DYNC2H1: variants seen among roughly 807,000 people sequenced by gnomAD.
The protein encoded by DYNC2H1 is dynein cytoplasmic 2 heavy chain 1.
DYNC2H1 carries 410 observed loss-of-function variants against 570.0 expected under a neutral mutation model. The ratio of observed to expected loss-of-function variants is 0.72; its 90% CI spans 0.66 to 0.78. DYNC2H1 has a LOEUF of 0.78. Ranked by LOEUF, DYNC2H1 falls within the 30% of genes least tolerant of loss-of-function variation. The pLI, the probability that DYNC2H1 is intolerant of heterozygous loss-of-function variation, is 0.00. For missense variants in DYNC2H1, 4,865 were observed against 5,046.4 expected (o/e 0.96, Z 1.09); for synonymous variants, 1,688 against 1,677.6 (o/e 1.01, Z -0.15).
At chr11:103,231,367 T>C (rs1353869450) in intron 60 of DYNC2H1, 21 bp downstream of exon 60, 8 of 1,497,192 alleles carry the variant, frequency 5.3e-6, no homozygotes, top group Non-Finnish European at 7.3e-6. Flanking sequence ...TTTTGAAGTG[T>C]ATTTTGGATA....
intron 50 of DYNC2H1, 112 bp downstream of exon 50, chr11:103,200,266 T>C (rs540821028): frequency 2.7e-6 from 2 of 754,664 alleles, no homozygotes; most frequent in African/African-American, 3.6e-5. Flanking sequence ...GGCATAGTTC[T>C]TACTTAGGAG....
chr11:103,443,964 T>C (rs911148528), intron 85 of DYNC2H1, among the ~76,000 whole-genome samples: 8 of 151,904 alleles, frequency 5.3e-5, no homozygotes, highest in Admixed American at 1.3e-4. Context: ...CTTAAAAGAC[T>C]CATGGAACAA....
chr11:103,421,180 T>TG (rs1943474400), intron 84 of DYNC2H1, among the ~76,000 whole-genome samples: 1 of 152,188 alleles, frequency 6.6e-6, no homozygotes, highest in Non-Finnish European at 1.5e-5. Context: ...AAGAGCTAAC[T>TG]ATCTCAAATA....
intron 87 of DYNC2H1, among the ~76,000 whole-genome samples, chr11:103,462,928 A>C (rs1416043526): frequency 6.6e-6 from 1 of 152,184 alleles, no homozygotes; most frequent in Non-Finnish European, 1.5e-5. Flanking sequence ...AAAATGTACA[A>C]ATTTCAGAGT....
chr11:103,307,660 T>G, intron 77 of DYNC2H1, 61 bp from the exon 78 acceptor site: 1 of 823,424 alleles, frequency 1.2e-6, no homozygotes. Context: ...AATAATGTAA[T>G]GTAAAAGAGA....
rs147475624 is a variant in DYNC2H1, at chr11:103,270,365, G to T, written c.10696-9983G>T. Among the ~76,000 whole-genome samples, 70 of 152,054 alleles carry T rather than the reference G, an allele frequency of 4.6e-4. 2 individuals carry two copies. In the East Asian group the frequency reaches 0.012, roughly 26 times the overall value. Reference sequence around the variant, plus strand: ...CCCTATAGGAAAAAACATAATATATGTAGGCTTTGGTATTATCCTATACAT... The same window carrying T: ...CCCTATAGGAAAAAACATAATATATTTAGGCTTTGGTATTATCCTATACAT... On this transcript the variant is annotated intron_variant, in intron 70 of 88. Coordinates refer to ENST00000375735, the MANE Select transcript of DYNC2H1 (RefSeq NM_001377.3).
chr11:103,387,012 A>G (rs1941912270), intron 83 of DYNC2H1, among the ~76,000 whole-genome samples: 1 of 151,964 alleles, frequency 6.6e-6, no homozygotes, highest in East Asian at 1.9e-4. Context: ...TTGGGTATAT[A>G]CCCAGTAATG....
At chr11:103,290,106 A>C (rs1866533351) in intron 75 of DYNC2H1, among the ~76,000 whole-genome samples, 1 of 152,114 alleles carries the variant, frequency 6.6e-6, no homozygotes, top group Admixed American at 6.6e-5. Flanking sequence ...TTTGAAGTTA[A>C]CTAATTCTAT....
chr11:103,296,835 T>C (rs531059378), intron 75 of DYNC2H1, among the ~76,000 whole-genome samples: 1 of 152,238 alleles, frequency 6.6e-6, no homozygotes, highest in African/African-American at 2.4e-5. Context: ...TCCTATTTTT[T>C]ACTTCTTTCT....
intron 3 of DYNC2H1, 36 bp from the exon 4 acceptor site, chr11:103,115,141 T>C: frequency 3.4e-6 from 5 of 1,481,328 alleles, no homozygotes; most frequent in Non-Finnish European, 4.6e-6. Context: ...TTCTCTGATA[T>C]TCTATGCCAT....
Position 103,186,209 on chromosome 11 carries a change from T to C in DYNC2H1, c.6634-33T>C, listed in dbSNP as rs746927532. On this transcript the variant is annotated intron_variant, in intron 41 of 88. Transcript: ENST00000375735. The surrounding 1 kb of genome is among the most constrained non-coding windows in gnomAD (Gnocchi z 4.5). ...TTAAAATGTCACACACTCTGGAGTA[T>C]GTGAAAACTTATCACAATTTTTTCC... The C allele has an allele frequency of 8.2e-6, 13 of 1,590,788 alleles. No homozygotes were observed. Among genetic ancestry groups the C allele is most frequent in the East Asian group, 2.3e-5 (1 of 44,392 alleles).
intron 82 of DYNC2H1, among the ~76,000 whole-genome samples, chr11:103,351,080 A>G (rs552690939): frequency 6.6e-6 from 1 of 152,310 alleles, no homozygotes; most frequent in African/African-American, 2.4e-5. Flanking sequence ...TCTGCTTTTT[A>G]AATGATTCTG....
chr11:103,206,396 C>T (rs1378531944), intron 52 of DYNC2H1, among the ~76,000 whole-genome samples: 1 of 151,992 alleles, frequency 6.6e-6, no homozygotes, highest in Non-Finnish European at 1.5e-5. Context: ...GAAATATAAG[C>T]CTGGAGCTCC....
In DYNC2H1 at chr11:103,173,102, T is replaced by C; in HGVS notation, c.5355T>C (p.Ser1785=). Residue 1785 remains serine (S), a synonymous_variant, in exon 35 of 89, where the codon TCT becomes TCC. Transcript: ENST00000375735. The part of the protein sequence containing the change: ...LGKEVEVNSN[S]GIFITMNPAG... Reference sequence around the variant, plus strand: ...TTCAGGTAGAAGTAAATTCTAATTCTGGAATTTTTATCACTATGAATCCTG... The same window carrying C: ...TTCAGGTAGAAGTAAATTCTAATTCCGGAATTTTTATCACTATGAATCCTG... 1 of 1,367,742 alleles carries C rather than the reference T, an allele frequency of 7.3e-7. No individual in the cohort carries two copies. Among genetic ancestry groups the C allele is most frequent in the East Asian group, 3.0e-5 (1 of 33,328 alleles). 84.7% of individuals were successfully genotyped at this position (1,367,742 alleles called of 1,614,324 possible).
intron 65 of DYNC2H1, among the ~76,000 whole-genome samples, chr11:103,248,048 A>G (rs1011184217): frequency 6.6e-6 from 1 of 152,036 alleles, no homozygotes; most frequent in Admixed American, 6.6e-5. Flanking sequence ...GGTATGGAAC[A>G]TGCTGCTTTT....
intron 85 of DYNC2H1, among the ~76,000 whole-genome samples, chr11:103,445,129 T>A (rs623943): frequency 0.53 from 80,842 of 152,054 alleles, 22,109 homozygotes; most frequent in African/African-American, 0.66. Flanking sequence ...AAATAATGCC[T>A]GTAAAATTCA....
chr11:103,370,319 G>A (rs184956328), intron 83 of DYNC2H1, among the ~76,000 whole-genome samples: 3 of 152,320 alleles, frequency 2.0e-5, no homozygotes, highest in African/African-American at 7.2e-5. Flanking sequence ...AAAATACCAG[G>A]TAGAGTTCTA....
intron 87 of DYNC2H1, among the ~76,000 whole-genome samples, chr11:103,457,241 G>T (rs1944818426): frequency 6.6e-6 from 1 of 152,170 alleles, no homozygotes; most frequent in African/African-American, 2.4e-5. Flanking sequence ...CATGCTTTAT[G>T]TATTTACTAT....
intron 31 of DYNC2H1, among the ~76,000 whole-genome samples, chr11:103,166,600 T>C (rs1419892418): frequency 2.0e-5 from 3 of 152,212 alleles, no homozygotes; most frequent in African/African-American, 7.2e-5. Flanking sequence ...TCACTGGCTA[T>C]CCTGGGTTAA....
Sources: gnomAD v4.1 joint callset for allele counts (sites outside exome capture counted in the v4.1 genomes callset) on GRCh38, gnomAD v4.1.1 for gene constraint, Gnocchi (gnomAD v3.1) non-coding constraint, MANE v1.5 for transcripts, NCBI Gene and HGNC (gene_info 2026-07-23, HGNC 2026-07-21) for gene names.